ZNF521: variants seen among roughly 807,000 people sequenced by gnomAD.
ZNF521 encodes the protein zinc finger protein 521.
ZNF521 carries 14 observed loss-of-function variants against 105.5 expected under a neutral mutation model. The observed-to-expected ratio is 0.13, with a 90% confidence interval of 0.09 to 0.21. The LOEUF (loss-of-function observed/expected upper bound fraction) is 0.21, where lower values mean the gene tolerates loss of function less well. Ranked by LOEUF, ZNF521 falls within the 10% of genes least tolerant of loss-of-function variation. The pLI is 1.00. For missense variants in ZNF521, 1,233 were observed against 1,629.7 expected (o/e 0.76, Z 4.19); for synonymous variants, 635 against 606.0 (o/e 1.05, Z -0.70).
At chr18:25,173,716 T>C (rs1303048045) in intron 5 of ZNF521, among the ~76,000 whole-genome samples, 1 of 152,080 alleles carries the variant, frequency 6.6e-6, no homozygotes, top group African/African-American at 2.4e-5. Flanking sequence ...AAAACGAAGT[T>C]AGCCAATAGT....
intron 3 of ZNF521, among the ~76,000 whole-genome samples, chr18:25,232,912 G>C (rs781666370): frequency 1.3e-5 from 2 of 152,140 alleles, no homozygotes; most frequent in African/African-American, 4.8e-5. Context: ...CAGGCTATAG[G>C]AGCAGTTCTG....
chr18:25,062,286 A>G lies in ZNF521; in HGVS notation c.*426T>C. On this transcript the variant is annotated 3_prime_UTR_variant, in exon 8 of 8. Coordinates refer to ENST00000361524, the MANE Select transcript of ZNF521 (RefSeq NM_015461.3). The stretch of plus-strand genomic sequence containing the variant: ...GCAATAAAAAATAGTCTTGGATTTA[A>G]GCGCTGATATACCTAAAGAGAAATT... 4.4e-6 allele frequency: 1 copy of G among 229,286 alleles called. No homozygotes were observed. The highest frequency in any genetic ancestry group is 6.9e-5 in the East Asian group (1 of 14,578). The allele number at this position is 229,286 out of a possible 1,614,324, so 14.2% of individuals were successfully genotyped here.
chr18:25,322,384 T>C, intron 2 of ZNF521, 197 bp from the exon 3 acceptor site: 1 of 702,276 alleles, frequency 1.4e-6, no homozygotes. Flanking sequence ...ATCAAAGGCC[T>C]TCTTCCCTTT....
At chr18:25,261,096 GTCT>G (rs2144893841) in intron 3 of ZNF521, among the ~76,000 whole-genome samples, 1 of 152,172 alleles carries the variant, frequency 6.6e-6, no homozygotes, top group Non-Finnish European at 1.5e-5. Flanking sequence ...GAACCGGAGG[GTCT>G]GAGAGGCAAT....
intron 4 of ZNF521, among the ~76,000 whole-genome samples, chr18:25,222,901 A>C (rs1251598614): frequency 6.6e-6 from 1 of 152,204 alleles, no homozygotes; most frequent in African/African-American, 2.4e-5. Flanking sequence ...TGATACCTGC[A>C]ACTTTCTTTC....
At chr18:25,248,825 C>G (rs1490183202) in intron 3 of ZNF521, among the ~76,000 whole-genome samples, 1 of 152,164 alleles carries the variant, frequency 6.6e-6, no homozygotes, top group African/African-American at 2.4e-5. Flanking sequence ...ATGCTGAGAA[C>G]CTACTAAATG....
At position 25,134,425 on chromosome 18, in the gene ZNF521, T is replaced by C. The variant is rs534342728; in HGVS notation, c.3659-42344A>G. 2.0e-5 allele frequency among the ~76,000 whole-genome samples: 3 copies of C among 152,230 alleles called. No homozygotes were observed. The South Asian group carries it at 6.2e-4, about 32-fold the overall frequency. ...TGGGAATTACTTGGACACAAATCAA[T>C]GGTGTATTGTGTCCCATTCCTAATG... On this transcript the variant is annotated intron_variant, in intron 5 of 7. Coordinates refer to ENST00000361524, the MANE Select transcript of ZNF521 (RefSeq NM_015461.3).
intron 3 of ZNF521, among the ~76,000 whole-genome samples, chr18:25,290,997 G>A (rs1910986127): frequency 6.6e-6 from 1 of 152,110 alleles, no homozygotes; most frequent in Non-Finnish European, 1.5e-5. Flanking sequence ...AAAGCTTTGT[G>A]GGGTGCCTGA....
At chr18:25,129,805 AGAAT>A (rs74850295) in intron 5 of ZNF521, among the ~76,000 whole-genome samples, 37,429 of 151,910 alleles carry the variant, frequency 0.25, 5,620 homozygotes, top group Non-Finnish European at 0.33. Context: ...TGTACCTGTC[AGAAT>A]GACTGATTTC....
At chr18:25,211,277 T>C (rs1209001209) in intron 4 of ZNF521, among the ~76,000 whole-genome samples, 1 of 152,234 alleles carries the variant, frequency 6.6e-6, no homozygotes, top group Non-Finnish European at 1.5e-5. Flanking sequence ...TTATGGTGAA[T>C]GATACTGATT....
At chr18:25,097,843 T>C (rs1002725366) in intron 5 of ZNF521, among the ~76,000 whole-genome samples, 3 of 152,224 alleles carry the variant, frequency 2.0e-5, no homozygotes, top group African/African-American at 7.2e-5. Context: ...ACAATGCTTT[T>C]GGACTTTATA....
chr18:25,287,822 C>G (rs557621926), intron 3 of ZNF521, among the ~76,000 whole-genome samples: 2 of 152,202 alleles, frequency 1.3e-5, no homozygotes, highest in Non-Finnish European at 2.9e-5. Flanking sequence ...TTTCCTCTCA[C>G]TAAGGACTGT....
At chr18:25,138,432 G>T (rs1031026079) in intron 5 of ZNF521, among the ~76,000 whole-genome samples, 1 of 144,552 alleles carries the variant, frequency 6.9e-6, no homozygotes, top group East Asian at 2.2e-4. Flanking sequence ...CACGAGAAAC[G>T]GATCATTAAA....
intron 5 of ZNF521, among the ~76,000 whole-genome samples, chr18:25,140,088 C>T (rs2034818138): frequency 6.6e-6 from 1 of 152,146 alleles, no homozygotes; most frequent in Non-Finnish European, 1.5e-5. Context: ...TGGTATATAG[C>T]AGCGCAAATG....
At chr18:25,088,784 T>C (rs1567956589) in intron 7 of ZNF521, among the ~76,000 whole-genome samples, 1 of 152,200 alleles carries the variant, frequency 6.6e-6, no homozygotes, top group Non-Finnish European at 1.5e-5. Context: ...CTTCCTATGT[T>C]TATATCTTAT....
At chr18:25,294,894 G>A (rs1911240802) in intron 3 of ZNF521, among the ~76,000 whole-genome samples, 1 of 146,940 alleles carries the variant, frequency 6.8e-6, no homozygotes, top group South Asian at 2.2e-4. Context: ...AGCAGGTTTG[G>A]GCAGAAATCT....
intron 7 of ZNF521, 46 bp from the exon 8 acceptor site, chr18:25,062,787 A>ATT: frequency 2.2e-6 from 3 of 1,394,444 alleles, no homozygotes; most frequent in Admixed American, 2.4e-5. Flanking sequence ...AAAAAAAAAG[A>ATT]GAAGAGAGGG....
intron 5 of ZNF521, among the ~76,000 whole-genome samples, chr18:25,121,366 T>A (rs1478032087): frequency 6.6e-6 from 1 of 151,188 alleles, no homozygotes; most frequent in Non-Finnish European, 1.5e-5. Context: ...GCAATTCTCC[T>A]GCCTCAGCCT....
Position 25,185,086 on chromosome 18 carries a change from A to C in ZNF521, c.3658+10074T>G, listed in dbSNP as rs141479738. On this transcript the variant is annotated intron_variant, in intron 5 of 7. Transcript: ENST00000361524. ...ACCTAAAAAGATATTGAAAATACAA[A>C]TCTTTTCTTTAAGAAGTAATCCCAT... Among the ~76,000 whole-genome samples the C allele has an allele frequency of 5.4e-3, 823 of 152,310 alleles. 2 individuals are homozygous for C. The highest frequency in any genetic ancestry group is 0.01 in the Middle Eastern group (3 of 294).
Sources: gnomAD v4.1 joint callset for allele counts (sites outside exome capture counted in the v4.1 genomes callset) on GRCh38, gnomAD v4.1.1 for gene constraint, MANE v1.5 for transcripts, NCBI Gene and HGNC (gene_info 2026-07-23, HGNC 2026-07-21) for gene names.